MLH3: variants seen among roughly 807,000 people sequenced by gnomAD.
MLH3 encodes DNA mismatch repair protein Mlh3.
A neutral mutation model predicts 122.2 loss-of-function variants in MLH3; 82 were observed. The ratio of observed to expected loss-of-function variants is 0.67; its 90% CI spans 0.56 to 0.81. The LOEUF (loss-of-function observed/expected upper bound fraction) is 0.81, where lower values mean the gene tolerates loss of function less well. Ranked by LOEUF, MLH3 falls within the 30% of genes least tolerant of loss-of-function variation. MLH3 has a pLI of 0.00. For missense variants in MLH3, 1,539 were observed against 1,714.5 expected, an observed-to-expected ratio of 0.90 and a Z score of 1.81; for synonymous variants, 524 against 599.5, an observed-to-expected ratio of 0.87 and a Z score of 1.84.
chr14:75,041,535 CA>C (rs1298504759), intron 4 of MLH3, 79 bp downstream of exon 4: 93 of 1,153,120 alleles, frequency 8.1e-5, no homozygotes, highest in Non-Finnish European at 1.1e-4. Flanking sequence ...GCAACAGGAG[CA>C]AAACTCCATC....
Position 75,048,654 on chromosome 14 carries a change from G to A in MLH3, c.1002C>T (p.Asp334=), listed in dbSNP as rs764046706. ...CTTCCTGAATGCAAAACAAGAGAGT[G>A]TCCCAGTTCTGAAATTCAATCAGAG... ...AKTLIEFQNW[D]TLLFCIQEGV... is the part of the protein sequence containing the mutation. Residue 334 remains aspartate, a synonymous_variant, in exon 2 of 13, where the codon GAC becomes GAT. Transcript: ENST00000355774. 31 of 1,613,994 alleles carry A rather than the reference G, an allele frequency of 1.9e-5. No homozygotes were observed. The highest frequency in any genetic ancestry group is 3.3e-4 in the Middle Eastern group (2 of 6,084).
At chr14:75,025,945 T>C (rs1177352385) in intron 9 of MLH3, among the ~76,000 whole-genome samples, 1 of 152,200 alleles carries the variant, frequency 6.6e-6, no homozygotes, top group Admixed American at 6.5e-5. Context: ...CTTTCACGTT[T>C]GATTGCTCAC....
chr14:75,049,309 G>A lies in MLH3; in HGVS notation c.347C>T (p.Thr116Ile). Residue 116 changes from threonine to isoleucine, a missense_variant, in exon 2 of 13, where the codon ACA (threonine) becomes ATA (isoleucine). Transcript: ENST00000355774. Reference protein sequence around the residue: ...AVEISSKKNRTMKTFVKLFQS... With the variant: ...AVEISSKKNRIMKTFVKLFQS... Reference sequence around the variant, plus strand: ...AAACAGTTTCACAAAAGTTTTCATTGTCCTGTTTTTCTTGGACGAAATTTC... The same window carrying A: ...AAACAGTTTCACAAAAGTTTTCATTATCCTGTTTTTCTTGGACGAAATTTC... 2 of 1,614,128 alleles carry A rather than the reference G, an allele frequency of 1.2e-6. No homozygotes were observed. Among genetic ancestry groups the A allele is most frequent in the Non-Finnish European group, 1.7e-6 (2 of 1,180,028 alleles).
At position 75,023,031 on chromosome 14, in the gene MLH3, A is replaced by G. The variant is rs1454987807; in HGVS notation, c.3988-13T>C. ...CTCGGATAAATTCCTGCAAAGCAAAAGGAAAATCGGCTTTAATCTACGGTT... is the reference window on the plus strand; with the variant it reads ...CTCGGATAAATTCCTGCAAAGCAAAGGGAAAATCGGCTTTAATCTACGGTT... On this transcript the variant is annotated splice_polypyrimidine_tract_variant and intron_variant, in intron 9 of 12. Coordinates refer to ENST00000355774, the MANE Select transcript of MLH3 (RefSeq NM_001040108.2). 2 of 1,614,092 alleles carry G rather than the reference A, an allele frequency of 1.2e-6. No homozygotes were observed. Among genetic ancestry groups the G allele is most frequent in the Admixed American group, 3.3e-5 (2 of 60,006 alleles).
chr14:75,030,744 A>G (rs1250290098), intron 8 of MLH3, 42 bp from the exon 9 acceptor site: 1 of 1,554,136 alleles, frequency 6.4e-7, no homozygotes, highest in Non-Finnish European at 8.9e-7. Flanking sequence ...AAAGAGTGCT[A>G]CTTCATTTGC....
In MLH3 at chr14:75,039,960, T is replaced by G. The variant is rs759563900; in HGVS notation, c.3521A>C (p.Asn1174Thr). 3 of 1,598,106 alleles carry G rather than the reference T, an allele frequency of 1.9e-6. No individual in the cohort carries two copies. The African/African-American group carries it at 4.1e-5, about 22-fold the overall frequency. The change falls in exon 5 of 13, where the codon AAC becomes ACC. Residue 1174 changes from asparagine to threonine, a missense_variant. Coordinates refer to ENST00000355774, the MANE Select transcript of MLH3 (RefSeq NM_001040108.2). ...GGTGAAACGATAGGGATACAAGATG[T>G]TGTGAATTTTAACTGCTAAGCTCTC... Reference protein sequence around the residue: ...QAESLAVKIHNILYPYRFTKG... With the variant: ...QAESLAVKIHTILYPYRFTKG...
At chr14:75,027,716 T>C (rs1458338285) in intron 9 of MLH3, among the ~76,000 whole-genome samples, 1 of 87,464 alleles carries the variant, frequency 1.1e-5, no homozygotes, top group Non-Finnish European at 2.3e-5. Context: ...ACAGAATAAG[T>C]AGGATGCAAG....
At chr14:75,022,934 C>A in intron 10 of MLH3, 42 bp from the exon 11 acceptor site, 1 of 1,613,602 alleles carries the variant, frequency 6.2e-7, no homozygotes, top group Non-Finnish European at 8.5e-7. Context: ...GAAAACGGAA[C>A]AACGAAGCCT....
intron 9 of MLH3, among the ~76,000 whole-genome samples, chr14:75,027,765 T>A (rs956686872): frequency 4.0e-5 from 6 of 151,512 alleles, no homozygotes; most frequent in African/African-American, 1.2e-4. Flanking sequence ...ACACTTTTTT[T>A]AATCTAAATA....
chr14:75,026,527 A>C (rs182314428), intron 9 of MLH3, among the ~76,000 whole-genome samples: 2 of 152,234 alleles, frequency 1.3e-5, no homozygotes, highest in African/African-American at 4.8e-5. Context: ...AGGCATGCAG[A>C]GTAGAAAGAT....
intron 5 of MLH3, among the ~76,000 whole-genome samples, chr14:75,039,428 C>G (rs891811939): frequency 2.0e-5 from 3 of 152,128 alleles, no homozygotes; most frequent in Middle Eastern, 3.2e-3. Flanking sequence ...AATAGAAAAG[C>G]AGATCAGACA....
At position 75,049,018 on chromosome 14, in the gene MLH3, T is replaced by G. The variant is rs370194355; in HGVS notation, c.638A>C (p.Gln213Pro). 7 of 1,614,152 alleles carry G rather than the reference T, an allele frequency of 4.3e-6. No homozygotes were observed. In the African/African-American group the frequency reaches 9.3e-5, roughly 22 times the overall value. The stretch of plus-strand genomic sequence containing the variant: ...TTGGGACTTTCCCAATCCATAAATT[T>G]GACAAAATCGGGAACATACGTCTTT... ...KTKDVCSRFCQIYGLGKSQKL... is the reference protein window; with the variant it reads ...KTKDVCSRFCPIYGLGKSQKL... The change falls in exon 2 of 13, where the codon CAA becomes CCA. Residue 213 changes from glutamine to proline, a missense_variant. Coordinates refer to ENST00000355774, the MANE Select transcript of MLH3 (RefSeq NM_001040108.2).
intron 9 of MLH3, among the ~76,000 whole-genome samples, chr14:75,030,096 G>T (rs1411399698): frequency 6.6e-6 from 1 of 152,172 alleles, no homozygotes; most frequent in Non-Finnish European, 1.5e-5. Context: ...CAAGGCTACA[G>T]TGAGCTATGA....
intron 12 of MLH3, 97 bp downstream of exon 12, chr14:75,018,732 G>T: frequency 1.4e-6 from 2 of 1,406,766 alleles, no homozygotes; most frequent in South Asian, 1.2e-5. Context: ...CTCCTATTTT[G>T]GAAAGGTTAA....
rs538627019 is a variant in MLH3 at position 75,017,477 on chromosome 14, G to A, written c.4243-276C>T. 1.1e-4 allele frequency among the ~76,000 whole-genome samples: 16 copies of A among 152,102 alleles called. 1 individual carries two copies. The highest frequency in any genetic ancestry group is 3.4e-3 in the Middle Eastern group (1 of 294). On this transcript the variant is annotated intron_variant, in intron 12 of 12. Coordinates refer to ENST00000355774, the MANE Select transcript of MLH3 (RefSeq NM_001040108.2). ...AATTGATTGAACCTGGGAGGCGGAG[G>A]TTGTGGTGAGCCAAGATCATGCCAC...
At chr14:75,031,349 C>CA (rs1566584722) in intron 8 of MLH3, among the ~76,000 whole-genome samples, 35 of 152,222 alleles carry the variant, frequency 2.3e-4, no homozygotes, top group Admixed American at 2.0e-3. Context: ...AACTAAGAGT[C>CA]TAGAATGCAC....
Position 75,048,700 on chromosome 14 carries a change from A to C in MLH3, c.956T>G (p.Val319Gly). 2 of 1,614,184 alleles carry C rather than the reference A, an allele frequency of 1.2e-6. No individual in the cohort carries two copies. Among genetic ancestry groups the C allele is most frequent in the Non-Finnish European group, 1.7e-6 (2 of 1,180,030 alleles). ...NVQCQFCEYD[V>G]CMEPAKTLIE... Reference sequence around the variant, plus strand: ...CAGAGTTTTGGCTGGCTCCATGCACACATCATACTCACAGAATTGGCACTG... The same window carrying C: ...CAGAGTTTTGGCTGGCTCCATGCACCCATCATACTCACAGAATTGGCACTG... Residue 319 changes from valine (V) to glycine (G), a missense_variant, in exon 2 of 13, where the codon GTG (valine) becomes GGG (glycine). By Grantham distance (109) the Val-to-Gly change is moderately radical (BLOSUM62 -3). Transcript: ENST00000355774.
intron 9 of MLH3, among the ~76,000 whole-genome samples, chr14:75,026,213 G>A (rs1305855112): frequency 5.9e-5 from 9 of 152,140 alleles, no homozygotes; most frequent in Admixed American, 4.6e-4. Flanking sequence ...GGTGGGTGTG[G>A]ATTTGCCTGT....
At position 75,017,150 on chromosome 14, in the gene MLH3, AGAGAC is replaced by A. The variant is rs1450109980; in HGVS notation, c.4289_4293del (p.Arg1430LeufsTer7). ...CTTGTATCACACTCTGCTTTTCCAA[AGAGAC>A]GCCAGGCCTGGGCCATTTTGCGAAG... On this transcript the variant is annotated frameshift_variant, in exon 13 of 13. Transcript: ENST00000355774. LOFTEE classifies it high-confidence loss of function. 8.7e-6 allele frequency: 14 copies of A among 1,612,958 alleles called. No individual in the cohort carries two copies. Among genetic ancestry groups the A allele is most frequent in the Non-Finnish European group, 1.2e-5 (14 of 1,179,980 alleles).
Sources: gnomAD v4.1 joint callset for allele counts (sites outside exome capture counted in the v4.1 genomes callset) on GRCh38, gnomAD v4.1.1 for gene constraint, MANE v1.5 for transcripts, NCBI Gene and HGNC (gene_info 2026-07-23, HGNC 2026-07-21) for gene names.